The following IL1RAPL1 variants were observed in gnomAD, a reference collection of about 807,000 sequenced individuals.
IL1RAPL1 encodes interleukin 1 receptor accessory protein like 1.
IL1RAPL1 carries 3 observed loss-of-function variants against 48.4 expected under a neutral mutation model. The observed-to-expected ratio is 0.06, with a 90% confidence interval of 0.03 to 0.16. The LOEUF (loss-of-function observed/expected upper bound fraction) is 0.16, where lower values mean the gene tolerates loss of function less well. Among genes scored for constraint, IL1RAPL1 ranks in the 10% least tolerant of loss-of-function variants. The probability of loss-of-function intolerance (pLI) is 1.00; values close to 1 mark genes in which losing one functional copy is unlikely to be tolerated. For synonymous variants in IL1RAPL1, 185 were observed against 187.7 expected (o/e 0.99, Z 0.12); for missense variants, 349 against 530.6 (o/e 0.66, Z 3.36).
intron 5 of IL1RAPL1, among the ~76,000 whole-genome samples, chrX:29,451,668 A>G (rs1934682091): frequency 9.0e-6 from 1 of 111,507 alleles, no homozygotes; most frequent in Admixed American, 9.6e-5. Flanking sequence ...ATATATATGT[A>G]TATTCTATGT....
intron 6 of IL1RAPL1, among the ~76,000 whole-genome samples, chrX:29,867,410 TATC>T (rs1931718163): frequency 3.6e-5 from 4 of 111,681 alleles, no homozygotes; most frequent in African/African-American, 6.5e-5. Flanking sequence ...TGAATGGGAT[TATC>T]AACCTTAAAA....
At chrX:28,836,737 G>T (rs1307374133) in intron 2 of IL1RAPL1, among the ~76,000 whole-genome samples, 2 of 109,770 alleles carry the variant, frequency 1.8e-5, no homozygotes, top group Admixed American at 9.8e-5. Flanking sequence ...ACTTGCTGTG[G>T]TCATCATCGG....
rs746804383 is a variant in IL1RAPL1, at chrX:29,620,357, C to CTATA, written c.704-48070_704-48067dup. ...TGTTTTAGCCTACTGAATATCTAGG[C>CTATA]TATATAGTATAGCCTATTGCTTTTA... On this transcript the variant is annotated intron_variant, in intron 5 of 10. Coordinates refer to ENST00000378993, the MANE Select transcript of IL1RAPL1 (RefSeq NM_014271.4). 5.1e-3 allele frequency among the ~76,000 whole-genome samples: 571 copies of CTATA among 111,613 alleles called. 2 individuals are homozygous for CTATA. Among genetic ancestry groups the CTATA allele is most frequent in the African/African-American group, 0.018 (539 of 30,767 alleles).
At chrX:28,630,317 T>C (rs1240908894) in intron 1 of IL1RAPL1, among the ~76,000 whole-genome samples, 1 of 111,844 alleles carries the variant, frequency 8.9e-6, no homozygotes, top group Non-Finnish European at 1.9e-5. Flanking sequence ...TATCATTCTC[T>C]CACTGAAGTG....
intron 5 of IL1RAPL1, among the ~76,000 whole-genome samples, chrX:29,657,388 C>G (rs763431795): frequency 4.5e-5 from 5 of 111,685 alleles, no homozygotes; most frequent in African/African-American, 1.6e-4. Flanking sequence ...GTCATAAAAC[C>G]ATGCCAATGA....
intron 2 of IL1RAPL1, among the ~76,000 whole-genome samples, chrX:28,911,708 T>G (rs1044677199): frequency 9.0e-6 from 1 of 111,064 alleles, no homozygotes; most frequent in African/African-American, 3.3e-5. Context: ...GTTGTATTCC[T>G]ATGTCCAGAA....
intron 1 of IL1RAPL1, among the ~76,000 whole-genome samples, chrX:28,714,565 A>G (rs1935480746): frequency 8.9e-6 from 1 of 112,202 alleles, no homozygotes; most frequent in African/African-American, 3.2e-5. Context: ...TGCACATGCT[A>G]AACTGTGAAA....
chrX:28,792,022 G>A (rs959061332), intron 2 of IL1RAPL1, among the ~76,000 whole-genome samples: 1 of 111,716 alleles, frequency 9.0e-6, no homozygotes, highest in African/African-American at 3.3e-5. Flanking sequence ...ACCATGGCCA[G>A]GGGATAAAAA....
intron 2 of IL1RAPL1, among the ~76,000 whole-genome samples, chrX:29,147,638 A>T (rs1273540594): frequency 4.5e-5 from 5 of 111,698 alleles, no homozygotes; most frequent in Non-Finnish European, 9.4e-5. Context: ...CAAATTCATC[A>T]TTGTTATGTT....
chrX:28,793,197 T>A (rs1936574195), intron 2 of IL1RAPL1, among the ~76,000 whole-genome samples: 1 of 110,011 alleles, frequency 9.1e-6, no homozygotes, highest in African/African-American at 3.3e-5. Flanking sequence ...AGCAATTCAG[T>A]AAGTAAACAT....
intron 6 of IL1RAPL1, among the ~76,000 whole-genome samples, chrX:29,766,362 TAG>T (rs1294669220): frequency 0.045 from 3,154 of 69,726 alleles, 312 homozygotes; most frequent in East Asian, 0.17. Context: ...TATATATATA[TAG>T]ATAGATAGAT....
At chrX:29,300,297 G>A (rs998064552) in intron 3 of IL1RAPL1, among the ~76,000 whole-genome samples, 2 of 110,776 alleles carry the variant, frequency 1.8e-5, no homozygotes, top group Non-Finnish European at 3.8e-5. Flanking sequence ...GTGGACATCC[G>A]GCACCTAACA....
chrX:28,961,455 G>GC (rs1222104952), intron 2 of IL1RAPL1, among the ~76,000 whole-genome samples: 2 of 110,850 alleles, frequency 1.8e-5, no homozygotes, highest in Non-Finnish European at 3.8e-5. Context: ...TAGGTTTTAA[G>GC]CCCCGCATGC....
At chrX:29,175,073 C>CAAAAAAAAAAAAAAAAAAAAA (rs3065738) in intron 2 of IL1RAPL1, among the ~76,000 whole-genome samples, 1 of 61,555 alleles carries the variant, frequency 1.6e-5, no homozygotes, top group African/African-American at 6.3e-5. Context: ...GACTCCGTCT[C>CAAAAAAAAAAAAAAAAAAAAA]AAAAAAAAAA....
At chrX:29,634,243 A>G (rs1015905131) in intron 5 of IL1RAPL1, among the ~76,000 whole-genome samples, 4 of 111,927 alleles carry the variant, frequency 3.6e-5, no homozygotes, top group Admixed American at 1.9e-4. Flanking sequence ...GGCTTAACAT[A>G]GTAAATTTGG....
At chrX:29,254,914 GAAT>G (rs767104598) in intron 2 of IL1RAPL1, among the ~76,000 whole-genome samples, 5 of 111,736 alleles carry the variant, frequency 4.5e-5, no homozygotes, top group Non-Finnish European at 9.4e-5. Context: ...CTCTTATGGA[GAAT>G]AATAATAAAA....
intron 2 of IL1RAPL1, among the ~76,000 whole-genome samples, chrX:29,173,663 T>G (rs1412369790): frequency 8.9e-6 from 1 of 111,845 alleles, no homozygotes; most frequent in African/African-American, 3.2e-5. Flanking sequence ...TGTGAAGAGA[T>G]ATCCCGCAAA....
chrX:29,948,096 C>G (rs1267686451), intron 9 of IL1RAPL1, among the ~76,000 whole-genome samples: 1 of 111,097 alleles, frequency 9.0e-6, no homozygotes, highest in African/African-American at 3.3e-5. Context: ...GATGGGGTCT[C>G]ATTTAATTTT....
intron 1 of IL1RAPL1, among the ~76,000 whole-genome samples, chrX:28,711,817 G>A (rs1935445140): frequency 9.2e-6 from 1 of 108,348 alleles, no homozygotes; most frequent in Non-Finnish European, 1.9e-5. Flanking sequence ...TAATGGTTCT[G>A]GAATTTAAAA....
Sources: gnomAD v4.1 joint callset for allele counts (sites outside exome capture counted in the v4.1 genomes callset) on GRCh38, gnomAD v4.1.1 for gene constraint, MANE v1.5 for transcripts, NCBI Gene and HGNC (gene_info 2026-07-23, HGNC 2026-07-21) for gene names.